Variants in DOT1L observed in about 807,000 individuals in gnomAD.
DOT1L encodes histone-lysine N-methyltransferase, H3 lysine-79 specific.
A neutral mutation model predicts 153.3 loss-of-function variants in DOT1L; 33 were observed. The observed-to-expected ratio is 0.22, with a 90% CI of 0.16 to 0.29. The LOEUF (loss-of-function observed/expected upper bound fraction) is 0.29. Ranked by LOEUF, DOT1L falls within the 10% of genes least tolerant of loss-of-function variation. The pLI is 1.00. For missense variants in DOT1L, 1,847 were observed against 2,119.9 expected (o/e 0.87, Z 2.53); for synonymous variants, 1,135 against 965.1 (o/e 1.18, Z -3.26).
chr19:2,214,307 T>TC, intron 18 of DOT1L, 164 bp from the exon 19 acceptor site: 3 of 1,247,350 alleles, frequency 2.4e-6, no homozygotes, highest in Non-Finnish European at 3.2e-6. Context: ...GGCCCCAGTC[T>TC]CCGCGTGTTC....
chr19:2,199,360 G>A (rs774106280), intron 7 of DOT1L, among the ~76,000 whole-genome samples: 3 of 152,214 alleles, frequency 2.0e-5, no homozygotes, highest in Non-Finnish European at 2.9e-5. Context: ...GGTGAGGGAG[G>A]GACAGAGCTC....
At chr19:2,200,616 G>A (rs2023216349) in intron 8 of DOT1L, among the ~76,000 whole-genome samples, 2 of 152,098 alleles carry the variant, frequency 1.3e-5, no homozygotes, top group Admixed American at 6.6e-5. Flanking sequence ...GTCAGCAGCC[G>A]GCTGGGCCCT....
intron 1 of DOT1L, among the ~76,000 whole-genome samples, chr19:2,171,994 AACAGATGGTC>A (rs1413721785): frequency 1.3e-5 from 2 of 152,136 alleles, no homozygotes; most frequent in African/African-American, 4.8e-5. Context: ...ACGTGAAGAT[AACAGATGGTC>A]ACATTGTGCA....
At chr19:2,227,507 G>T in intron 27 of DOT1L, 1 of 523,726 alleles carries the variant, frequency 1.9e-6, no homozygotes, top group Non-Finnish European at 3.5e-6. Flanking sequence ...AGACAGGGCG[G>T]AGAGGAGCCG....
At chr19:2,227,785 C>T in intron 27 of DOT1L, 1 of 1,314,910 alleles carries the variant, frequency 7.6e-7, no homozygotes, top group Non-Finnish European at 1.0e-6. Flanking sequence ...CCGTTTGGAG[C>T]CCGTGTCGGC....
chr19:2,209,575 C>G (rs957143689), intron 12 of DOT1L, among the ~76,000 whole-genome samples: 1 of 152,224 alleles, frequency 6.6e-6, no homozygotes, highest in Non-Finnish European at 1.5e-5. Flanking sequence ...AGGGCTGTCC[C>G]CTCCTCTCCC....
chr19:2,170,883 C>T (rs551517921), intron 1 of DOT1L, among the ~76,000 whole-genome samples: 1 of 152,144 alleles, frequency 6.6e-6, no homozygotes, highest in African/African-American at 2.4e-5. Flanking sequence ...CGTGTGTCTC[C>T]CGGGACCTGT....
chr19:2,226,848 G>T lies in DOT1L; in HGVS notation c.4327G>T (p.Gly1443Cys), dbSNP rs113842228. 0.048 allele frequency: 75,499 copies of T among 1,580,002 alleles called. 2,147 individuals are homozygous for T. The highest frequency in any genetic ancestry group is 0.057 in the Non-Finnish European group (66,617 of 1,171,372). ...VPPGSLLSGP[G>C]LAPAASSAGG... is the part of the protein sequence containing the mutation. ...TCCCGGAAGCCTCCTCAGCGGCCCC[G>T]GCCTGGCCCCGGCGGCGTCCTCCGC... is the stretch of plus-strand genomic sequence containing the variant. Residue 1443 changes from glycine to cysteine, a missense_variant, in exon 27 of 28, where the codon GGC becomes TGC. Gly to Cys is a radical substitution (Grantham distance 159). This residue lies in a region of DOT1L where 934 missense variants were observed against 825.3 expected (regional missense o/e 1.13). Transcript: ENST00000398665.
intron 25 of DOT1L, among the ~76,000 whole-genome samples, chr19:2,225,023 C>G (rs548676794): frequency 1.3e-5 from 2 of 152,176 alleles, no homozygotes; most frequent in South Asian, 2.1e-4. Flanking sequence ...CCTGAGGCAC[C>G]GAGGTCTGAG....
At chr19:2,184,157 C>T (rs1185433637) in intron 2 of DOT1L, among the ~76,000 whole-genome samples, 4 of 152,108 alleles carry the variant, frequency 2.6e-5, no homozygotes, top group Non-Finnish European at 5.9e-5. Context: ...TGGCCGGAAC[C>T]TCCTGGACAG....
chr19:2,186,977 C>T (rs1302228701), intron 3 of DOT1L, among the ~76,000 whole-genome samples: 1 of 152,202 alleles, frequency 6.6e-6, no homozygotes, highest in African/African-American at 2.4e-5. Flanking sequence ...GCTCTGTGTC[C>T]GTGGAGTTGG....
chr19:2,206,630 G>C (rs1403286437), intron 9 of DOT1L, 99 bp from the exon 10 acceptor site: 1 of 1,161,708 alleles, frequency 8.6e-7, no homozygotes, highest in Non-Finnish European at 1.3e-6. Flanking sequence ...CCCAGTGTGT[G>C]TGTGTTCCGT....
chr19:2,184,223 C>T (rs1313545428), intron 2 of DOT1L, among the ~76,000 whole-genome samples: 6 of 152,108 alleles, frequency 3.9e-5, no homozygotes, highest in South Asian at 2.1e-4. Context: ...GGGCCTCGCT[C>T]GGTGCCTGGG....
rs1418829891 is a variant in DOT1L, at chr19:2,216,581, C to A, written c.2224C>A (p.Pro742Thr). 6.2e-7 allele frequency: 1 copy of A among 1,608,662 alleles called. No homozygotes were observed. The highest frequency in any genetic ancestry group is 8.5e-7 in the Non-Finnish European group (1 of 1,179,920). The change falls in exon 20 of 28, where the codon CCC becomes ACC. Residue 742 changes from proline (P) to threonine (T), a missense_variant. Physicochemically the swap from Pro to Thr is conservative, Grantham distance 38. Coordinates refer to ENST00000398665, the MANE Select transcript of DOT1L (RefSeq NM_032482.3). ...GAACACGCCCCAGTACCTGGCCTCA[C>A]CCCTGGACCAGGAGGTGGTGCCCTG... ...KQNTPQYLAS[P>T]LDQEVVPCTP...
intron 1 of DOT1L, among the ~76,000 whole-genome samples, chr19:2,177,100 G>T (rs565716059): frequency 2.6e-5 from 4 of 152,304 alleles, no homozygotes; most frequent in African/African-American, 9.6e-5. Flanking sequence ...AGCAGTCTGT[G>T]GGGGTCCGCA....
At chr19:2,188,795 C>T (rs2022662700) in intron 3 of DOT1L, among the ~76,000 whole-genome samples, 1 of 152,196 alleles carries the variant, frequency 6.6e-6, no homozygotes, top group Admixed American at 6.5e-5. Context: ...AGCAAGTTAT[C>T]CCAGGTGGAG....
chr19:2,213,706 G>A (rs575313928), intron 17 of DOT1L, 66 bp downstream of exon 17: 25 of 1,603,326 alleles, frequency 1.6e-5, no homozygotes, highest in Admixed American at 5.1e-5. Context: ...GTCCATGTCC[G>A]TCGGTATGGC....
chr19:2,197,588 G>C lies in DOT1L; in HGVS notation c.652-2296G>C, dbSNP rs187462245. 6.6e-6 allele frequency among the ~76,000 whole-genome samples: 1 copy of C among 152,226 alleles called. No individual in the cohort carries two copies. Among genetic ancestry groups the C allele is most frequent in the Admixed American group, 6.5e-5 (1 of 15,280 alleles). ...CCTGGGTCCATGACACGGCTGAGCA[G>C]CATGGTGTCTAGTGTGGCACAGGTG... On this transcript the variant is annotated intron_variant, in intron 7 of 27. Transcript: ENST00000398665. This position sits in a 1 kb window ranked among gnomAD's most constrained non-coding sequence, Gnocchi z 4.1.
intron 4 of DOT1L, 104 bp downstream of exon 4, chr19:2,189,899 C>T (rs1364907115): frequency 7.7e-7 from 1 of 1,296,192 alleles, no homozygotes; most frequent in Non-Finnish European, 1.1e-6. Context: ...CCCCTTAGAG[C>T]CCCTGGGGAT....
Sources: gnomAD v4.1 joint callset for allele counts (sites outside exome capture counted in the v4.1 genomes callset) on GRCh38, gnomAD v4.1.1 for gene constraint, gnomAD v4.1.1 regional missense constraint, Gnocchi (gnomAD v3.1) non-coding constraint, MANE v1.5 for transcripts, NCBI Gene and HGNC (gene_info 2026-07-23, HGNC 2026-07-21) for gene names.